ATP9B: variants seen among roughly 807,000 people sequenced by gnomAD.
The protein encoded by ATP9B is probable phospholipid-transporting ATPase IIB.
ATP9B carries 110 observed loss-of-function variants against 146.1 expected under a neutral mutation model. The observed-to-expected ratio is 0.75, with a 90% CI of 0.65 to 0.88. The LOEUF is 0.88. Among genes scored for constraint, ATP9B ranks in the 40% least tolerant of loss-of-function variants. The pLI, the probability that ATP9B is intolerant of heterozygous loss-of-function variation, is 0.00. For synonymous variants in ATP9B, 604 were observed against 569.7 expected, an observed-to-expected ratio of 1.06 and a Z score of -0.86; for missense variants, 1,499 against 1,496.4, an observed-to-expected ratio of 1.00 and a Z score of -0.03.
intron 27 of ATP9B, among the ~76,000 whole-genome samples, 154 bp downstream of exon 27, chr18:79,373,036 C>G (rs1456802931): frequency 7.9e-6 from 1 of 126,792 alleles, no homozygotes; most frequent in African/African-American, 2.9e-5. Flanking sequence ...AATCAATATT[C>G]CAGCAACATG....
intron 4 of ATP9B, among the ~76,000 whole-genome samples, chr18:79,118,689 C>T (rs965781004): frequency 5.9e-5 from 9 of 151,832 alleles, no homozygotes; most frequent in African/African-American, 1.7e-4. Context: ...TGTGAGCCAC[C>T]GTGCCCGGCC....
chr18:79,143,859 A>C lies in ATP9B; in HGVS notation c.725A>C (p.Lys242Thr). 1 of 1,565,870 alleles carries C rather than the reference A, an allele frequency of 6.4e-7. No individual in the cohort carries two copies. Among genetic ancestry groups the C allele is most frequent in the Non-Finnish European group, 8.7e-7 (1 of 1,154,340 alleles). The change falls in exon 6 of 30, where the codon AAG becomes ACG. Residue 242 changes from lysine (K) to threonine (T), a missense_variant and splice_region_variant. Physicochemically the swap from Lys to Thr is moderately conservative, Grantham distance 78 (BLOSUM62 -1). Coordinates refer to ENST00000426216, the MANE Select transcript of ATP9B (RefSeq NM_198531.5). Reference protein sequence around the residue: ...IQVGDLIIVEKNQRIPSDMVF... With the variant: ...IQVGDLIIVETNQRIPSDMVF... Reference sequence around the variant, plus strand: ...GTTGGAGACCTCATCATAGTGGAAAAGGTTGATGATTTTTTAATATATTTT... The same window carrying C: ...GTTGGAGACCTCATCATAGTGGAAACGGTTGATGATTTTTTAATATATTTT...
At chr18:79,259,865 A>G (rs1214666216) in intron 12 of ATP9B, among the ~76,000 whole-genome samples, 1 of 152,210 alleles carries the variant, frequency 6.6e-6, no homozygotes, top group Non-Finnish European at 1.5e-5. Context: ...AATTTACCAA[A>G]CATCTTTAGT....
intron 15 of ATP9B, among the ~76,000 whole-genome samples, chr18:79,323,523 T>A (rs1329283013): frequency 1.3e-5 from 2 of 152,180 alleles, no homozygotes; most frequent in African/African-American, 4.8e-5. Context: ...TCAACCTTTT[T>A]TTCTTAGCTC....
intron 11 of ATP9B, among the ~76,000 whole-genome samples, chr18:79,243,916 C>T (rs1051250868): frequency 1.3e-4 from 20 of 152,142 alleles, no homozygotes; most frequent in African/African-American, 4.1e-4. Flanking sequence ...AGCAAGAATT[C>T]GGATGCCAAC....
At chr18:79,192,721 AGG>A (rs761906360) in intron 8 of ATP9B, among the ~76,000 whole-genome samples, 11 of 152,228 alleles carry the variant, frequency 7.2e-5, no homozygotes, top group Non-Finnish European at 5.9e-5. Context: ...GCTGTAAGGA[AGG>A]CCACCCTTAG....
chr18:79,174,067 T>A (rs1162940437), intron 7 of ATP9B: 1 of 296,460 alleles, frequency 3.4e-6, no homozygotes, highest in Non-Finnish European at 6.6e-6. Flanking sequence ...TGTAGAATCA[T>A]CATCATTTTT....
rs368446184 is a variant in ATP9B at position 79,283,547 on chromosome 18, C to T, written c.1411+6351C>T. Among the ~76,000 whole-genome samples, 29 of 152,316 alleles carry T rather than the reference C, an allele frequency of 1.9e-4. No individual in the cohort carries two copies. In the South Asian group the frequency reaches 6.0e-3, roughly 32 times the overall value. On this transcript the variant is annotated intron_variant, in intron 13 of 29. Transcript: ENST00000426216. ...TATCCCAATAATTGCATTATAGTTT[C>T]CTTCTTGTGGACAAGAAAGCAATGT...
intron 11 of ATP9B, among the ~76,000 whole-genome samples, chr18:79,250,128 C>T (rs1434263573): frequency 6.6e-6 from 1 of 152,338 alleles, no homozygotes; most frequent in East Asian, 1.9e-4. Flanking sequence ...CTTTGATGAT[C>T]TGCATATCGG....
chr18:79,327,791 G>GCGTGCTCTCCGTGGTTAA (rs2096764660), intron 15 of ATP9B, among the ~76,000 whole-genome samples: 1 of 95,652 alleles, frequency 1.0e-5, no homozygotes, highest in Non-Finnish European at 2.1e-5. Context: ...TCCGTGGTTA[G>GCGTGCTCTCCGTGGTTAA]CGTGCTCTCC....
In ATP9B at chr18:79,189,713, G is replaced by A. The variant is rs543725547; in HGVS notation, c.874-3470G>A. Among the ~76,000 whole-genome samples the A allele has an allele frequency of 7.2e-5, 11 of 152,340 alleles. No homozygotes were observed. In the South Asian group the frequency reaches 2.3e-3, roughly 32 times the overall value. ...CAAGTTGACATCACCTGTTTACAAG[G>A]TGAACTGTCTGTCTGAAATGGTGGG... On this transcript the variant is annotated intron_variant, in intron 8 of 29. Transcript: ENST00000426216.
chr18:79,258,371 A>G (rs917908926), intron 12 of ATP9B, among the ~76,000 whole-genome samples: 1 of 152,192 alleles, frequency 6.6e-6, no homozygotes, highest in Non-Finnish European at 1.5e-5. Flanking sequence ...TTGAGGCTGC[A>G]GTGAGCCAAG....
intron 11 of ATP9B, among the ~76,000 whole-genome samples, chr18:79,238,284 A>G (rs1187118389): frequency 2.0e-5 from 3 of 151,930 alleles, no homozygotes; most frequent in African/African-American, 4.8e-5. Flanking sequence ...TAATTCCACA[A>G]TAATCTCGTG....
chr18:79,352,351 G>A (rs968423359), intron 25 of ATP9B: 1 of 152,264 alleles, frequency 6.6e-6, no homozygotes, highest in Non-Finnish European at 1.5e-5. Flanking sequence ...CCCTCGGGGA[G>A]CCGTGTCCAG....
Position 79,307,217 on chromosome 18 carries a change from G to A in ATP9B, c.1756G>A (p.Ala586Thr). Residue 586 changes from alanine (A) to threonine (T), a missense_variant, in exon 15 of 30, where the codon GCT becomes ACT. Physicochemically the swap from Ala to Thr is moderately conservative, Grantham distance 58. Coordinates refer to ENST00000426216, the MANE Select transcript of ATP9B (RefSeq NM_198531.5). ...CAGTGATGAGAATCGCACCTACCAG[G>A]CTTCCAGCCCGGATGAGGTCAGTCA... Reference protein sequence around the residue: ...DFSDENRTYQASSPDEVALVQ... With the variant: ...DFSDENRTYQTSSPDEVALVQ... The A allele has an allele frequency of 6.2e-7, 1 of 1,614,212 alleles. No homozygotes were observed. The highest frequency in any genetic ancestry group is 8.5e-7 in the Non-Finnish European group (1 of 1,180,020).
intron 11 of ATP9B, among the ~76,000 whole-genome samples, chr18:79,225,700 TTG>T (rs1568442995): frequency 1.5e-4 from 21 of 137,628 alleles, no homozygotes; most frequent in African/African-American, 6.0e-4. Context: ...GGTCCCGCAG[TTG>T]CAGGGCGGCC....
intron 13 of ATP9B, among the ~76,000 whole-genome samples, chr18:79,299,093 T>TAG (rs753056252): frequency 6.6e-6 from 1 of 152,196 alleles, no homozygotes; most frequent in Non-Finnish European, 1.5e-5. Flanking sequence ...ATCCTTCACG[T>TAG]AGACCTTGAT....
chr18:79,169,665 G>C (rs1438548025), intron 7 of ATP9B, among the ~76,000 whole-genome samples: 1 of 152,108 alleles, frequency 6.6e-6, no homozygotes, highest in Non-Finnish European at 1.5e-5. Context: ...AATAGTATTA[G>C]TTTAACCATT....
rs148440730 is a variant in ATP9B, at chr18:79,259,660, C to T, written c.1268+6119C>T. Among the ~76,000 whole-genome samples, 1,140 of 152,280 alleles carry T rather than the reference C, an allele frequency of 7.5e-3. 19 individuals carry two copies. Among genetic ancestry groups the T allele is most frequent in the African/African-American group, 0.026 (1,089 of 41,550 alleles). ...CTTGCCTGTGCGCTTCCAGAGCAGA[C>T]GGACCAGGGACCCCAAGTGCTCTGT... On this transcript the variant is annotated intron_variant, in intron 12 of 29. Transcript: ENST00000426216.
Sources: allele counts gnomAD v4.1 joint callset (sites outside exome capture counted in the v4.1 genomes callset), GRCh38; gene constraint gnomAD v4.1.1; transcripts MANE v1.5; gene names NCBI Gene and HGNC (gene_info 2026-07-23, HGNC 2026-07-21).